Variants in MAP3K21 observed in about 807,000 individuals in gnomAD.
MAP3K21 encodes the protein mitogen-activated protein kinase kinase kinase MLK4.
MAP3K21 carries 63 observed loss-of-function variants against 86.1 expected under a neutral mutation model. That is an observed-to-expected ratio of 0.73 (90% CI 0.60 to 0.90). The LOEUF (loss-of-function observed/expected upper bound fraction) is 0.90. Among genes scored for constraint, MAP3K21 ranks in the 40% least tolerant of loss-of-function variants. The pLI is 0.00. For synonymous variants in MAP3K21, 558 were observed against 564.8 expected, an observed-to-expected ratio of 0.99 and a Z score of 0.17; for missense variants, 1,220 against 1,367.7, an observed-to-expected ratio of 0.89 and a Z score of 1.70.
At chr1:233,374,595 A>G (rs1037782799) in intron 6 of MAP3K21, among the ~76,000 whole-genome samples, 5 of 152,174 alleles carry the variant, frequency 3.3e-5, no homozygotes, top group Non-Finnish European at 5.9e-5. Flanking sequence ...CAATTTTACA[A>G]AGTGATATAA....
At position 233,371,979 on chromosome 1, in the gene MAP3K21, T is replaced by C. The variant is rs1413130268; in HGVS notation, c.1553-59T>C. 3.8e-6 allele frequency: 6 copies of C among 1,565,716 alleles called. No homozygotes were observed. In the East Asian group the frequency reaches 6.8e-5, roughly 18 times the overall value. On this transcript the variant is annotated intron_variant, in intron 5 of 9. Coordinates refer to ENST00000366624, the MANE Select transcript of MAP3K21 (RefSeq NM_032435.3). ...TTTTTATTGCTGTGTGCTAAATACA[T>C]GGCTATGAAGATAAAGGAAAACCAT... is the stretch of plus-strand genomic sequence containing the variant.
In MAP3K21 at chr1:233,353,966, T is replaced by G; in HGVS notation, c.1135+11T>G. ...CCAAGCTCATGAAAGGTATTGTGTG[T>G]GTGTGTGTGTGTCTTTGTGGGGGCA... On this transcript the variant is annotated intron_variant, in intron 3 of 9. Coordinates refer to ENST00000366624, the MANE Select transcript of MAP3K21 (RefSeq NM_032435.3). The G allele has an allele frequency of 6.6e-7, 1 of 1,509,812 alleles. No individual in the cohort carries two copies. Among genetic ancestry groups the G allele is most frequent in the Non-Finnish European group, 8.9e-7 (1 of 1,126,418 alleles). 93.5% of individuals were successfully genotyped at this position (1,509,812 alleles called of 1,614,324 possible).
intron 6 of MAP3K21, chr1:233,373,733 C>T (rs1240514068): frequency 3.3e-5 from 5 of 152,232 alleles, no homozygotes; most frequent in African/African-American, 1.2e-4. Flanking sequence ...TTTATGATCC[C>T]CAAATGCGGG....
intron 5 of MAP3K21, among the ~76,000 whole-genome samples, chr1:233,363,557 C>T (rs1025472666): frequency 6.6e-6 from 1 of 152,030 alleles, no homozygotes. Flanking sequence ...CAAAAAGTAG[C>T]CGGGCATGGT....
At position 233,335,268 on chromosome 1, in the gene MAP3K21, G is replaced by A. The variant is rs535915371; in HGVS notation, c.805+6435G>A. Among the ~76,000 whole-genome samples, 5 of 152,166 alleles carry A rather than the reference G, an allele frequency of 3.3e-5. No homozygotes were observed. The South Asian group carries it at 1.0e-3, about 32-fold the overall frequency. On this transcript the variant is annotated intron_variant, in intron 1 of 9. Transcript: ENST00000366624. ...ATTTTGGAGCCTGAAACTTAAATTTGTACAGTTGACCCCTTGGCAGTGTGA... is the reference window on the plus strand; with the variant it reads ...ATTTTGGAGCCTGAAACTTAAATTTATACAGTTGACCCCTTGGCAGTGTGA...
intron 9 of MAP3K21, among the ~76,000 whole-genome samples, chr1:233,380,190 T>G (rs1162655859): frequency 6.6e-6 from 1 of 152,178 alleles, no homozygotes; most frequent in Non-Finnish European, 1.5e-5. Flanking sequence ...GGAGAGATGT[T>G]CAGCACAAAC....
chr1:233,351,555 G>A (rs1369538154), intron 2 of MAP3K21, among the ~76,000 whole-genome samples: 1 of 152,108 alleles, frequency 6.6e-6, no homozygotes, highest in African/African-American at 2.4e-5. Flanking sequence ...GTTGGGTGTG[G>A]TGGCGGGTGC....
chr1:233,339,389 T>C (rs1294271), intron 1 of MAP3K21, among the ~76,000 whole-genome samples: 1,512 of 44,994 alleles, frequency 0.034, 132 homozygotes, highest in East Asian at 0.067. Flanking sequence ...TTCTCCTTCT[T>C]CTCCTCCTTC....
intron 5 of MAP3K21, among the ~76,000 whole-genome samples, chr1:233,366,552 A>G (rs1461221977): frequency 1.3e-5 from 2 of 152,192 alleles, no homozygotes; most frequent in Non-Finnish European, 2.9e-5. Context: ...GAGAAACGTG[A>G]TAAGTGGTAG....
intron 1 of MAP3K21, among the ~76,000 whole-genome samples, chr1:233,336,083 C>T (rs1339686748): frequency 2.0e-5 from 3 of 152,174 alleles, no homozygotes; most frequent in Non-Finnish European, 4.4e-5. Flanking sequence ...CCTATTGTGG[C>T]GTCAGAATCT....
intron 1 of MAP3K21, among the ~76,000 whole-genome samples, chr1:233,334,083 T>G (rs1477684212): frequency 6.6e-6 from 1 of 151,922 alleles, no homozygotes; most frequent in Admixed American, 6.6e-5. Flanking sequence ...GCCAGGATGG[T>G]CTTGATCTCC....
chr1:233,381,935 T>A (rs1316169254), intron 9 of MAP3K21, among the ~76,000 whole-genome samples: 1 of 152,250 alleles, frequency 6.6e-6, no homozygotes. Flanking sequence ...GCTACCGTTA[T>A]AATATCATTA....
At chr1:233,357,143 C>G (rs1197218471) in intron 4 of MAP3K21, among the ~76,000 whole-genome samples, 2 of 152,122 alleles carry the variant, frequency 1.3e-5, no homozygotes, top group Admixed American at 1.3e-4. Context: ...TCTCAGCAAA[C>G]TATTGCAAGG....
chr1:233,380,085 TC>T (rs1663885587), intron 9 of MAP3K21, among the ~76,000 whole-genome samples: 1 of 152,212 alleles, frequency 6.6e-6, no homozygotes, highest in Admixed American at 6.5e-5. Context: ...CCTTGTCTCC[TC>T]CACTGCTGTA....
At position 233,375,680 on chromosome 1, in the gene MAP3K21, G is replaced by C. The variant is rs1053030148; in HGVS notation, c.1676-236G>C. 1.6e-5 allele frequency: 8 copies of C among 502,400 alleles called. No homozygotes were observed. In the African/African-American group the frequency reaches 1.6e-4, roughly 10 times the overall value. 31.1% of individuals were successfully genotyped at this position (502,400 alleles called of 1,614,324 possible). ...ATTAAAAAGTAATCAAATCTTTGCT[G>C]CTAATTTACCTCGAATTTGTATCTT... is the stretch of plus-strand genomic sequence containing the variant. On this transcript the variant is annotated intron_variant, in intron 6 of 9. Transcript: ENST00000366624.
chr1:233,338,807 A>T (rs1223229451), intron 1 of MAP3K21, among the ~76,000 whole-genome samples: 1 of 152,140 alleles, frequency 6.6e-6, no homozygotes, highest in Admixed American at 6.6e-5. Context: ...AACAGAGGAG[A>T]GCTGTGGTCT....
chr1:233,370,649 G>A (rs1409866448), intron 5 of MAP3K21, among the ~76,000 whole-genome samples: 1 of 152,100 alleles, frequency 6.6e-6, no homozygotes, highest in Non-Finnish European at 1.5e-5. Context: ...AATATGAAAT[G>A]AACATATGTC....
chr1:233,328,295 C>T lies in MAP3K21; in HGVS notation c.267C>T (p.Leu89=), dbSNP rs992272716. 6.7e-7 allele frequency: 1 copy of T among 1,486,530 alleles called. No individual in the cohort carries two copies. Among genetic ancestry groups the T allele is most frequent in the Non-Finnish European group, 8.9e-7 (1 of 1,126,226 alleles). 92.1% of individuals were successfully genotyped at this position (1,486,530 alleles called of 1,614,324 possible). The change falls in exon 1 of 10, where the codon CTC becomes CTT. Residue 89 remains leucine (L), a synonymous_variant. Coordinates refer to ENST00000366624, the MANE Select transcript of MAP3K21 (RefSeq NM_032435.3). This position sits in a 1 kb window ranked among gnomAD's most constrained non-coding sequence, Gnocchi z 8.7. ...GWWAGQVQRR[L]GIFPANYVAP... ...GGGCAGGCCAGGTGCAGCGGCGCCT[C>T]GGCATCTTCCCCGCCAACTACGTGG...
rs750348462 is a variant in MAP3K21 at position 233,382,503 on chromosome 1, T to C, written c.2903T>C (p.Leu968Pro). The C allele has an allele frequency of 6.2e-7, 1 of 1,614,074 alleles. No homozygotes were observed. The highest frequency in any genetic ancestry group is 1.3e-5 in the African/African-American group (1 of 74,928). ...TACCCACAGACAGCAGTGTCTCAGC[T>C]GGCACAGACTGCCTGTGTAGTGGGT... ...QAYPQTAVSQ[L>P]AQTACVVGRP... The change falls in exon 10 of 10, where the codon CTG becomes CCG. Residue 968 changes from leucine to proline, a missense_variant. Leu to Pro is a moderately conservative substitution (Grantham distance 98, BLOSUM62 -3). Around this residue, in one of 5 missense-constraint regions of MAP3K21, gnomAD observed 632 missense variants for 691.3 expected, o/e 0.91. Transcript: ENST00000366624.
Sources: gnomAD v4.1 joint callset for allele counts (sites outside exome capture counted in the v4.1 genomes callset) on GRCh38, gnomAD v4.1.1 for gene constraint, gnomAD v4.1.1 regional missense constraint, Gnocchi (gnomAD v3.1) non-coding constraint, MANE v1.5 for transcripts, NCBI Gene and HGNC (gene_info 2026-07-23, HGNC 2026-07-21) for gene names.